IL19: variants seen among roughly 807,000 people sequenced by gnomAD.
The protein encoded by IL19 is interleukin 19, also known as interleukin-19.
In IL19, 15 loss-of-function variants were observed where a neutral mutation model predicts 19.5. That is an observed-to-expected ratio of 0.77 (90% confidence interval 0.52 to 1.19). The LOEUF (loss-of-function observed/expected upper bound fraction) is 1.19, where lower values mean the gene tolerates loss of function less well. Among genes scored for constraint, IL19 ranks in the 50% most tolerant of loss-of-function variants. The pLI, the probability that IL19 is intolerant of heterozygous loss-of-function variation, is 0.00. For synonymous variants in IL19, 78 were observed against 78.3 expected (o/e 1.00, Z 0.02); for missense variants, 199 against 213.1 (o/e 0.93, Z 0.41).
chr1:206,795,317 TG>T (rs1335662625), intron 1 of IL19, among the ~76,000 whole-genome samples: 1 of 152,272 alleles, frequency 6.6e-6, no homozygotes, highest in African/African-American at 2.4e-5. Flanking sequence ...TGCATCCAGC[TG>T]GGTGTATTCT....
intron 4 of IL19, 83 bp from the exon 5 acceptor site, chr1:206,839,767 C>T: frequency 2.5e-6 from 3 of 1,207,312 alleles, no homozygotes; most frequent in Non-Finnish European, 3.5e-6. Flanking sequence ...TCATGTGTCG[C>T]TGCCCCTACT....
rs550969436 is a variant in IL19 at position 206,840,213 on chromosome 1, C to T, written c.363+211C>T. Reference sequence around the variant, plus strand: ...TGCTGACAACTCCTCAGATGGTCTCCTCCTAGATAACCCTCCTGGGGTGAC... The same window carrying T: ...TGCTGACAACTCCTCAGATGGTCTCTTCCTAGATAACCCTCCTGGGGTGAC... On this transcript the variant is annotated intron_variant, in intron 5 of 6. Transcript: ENST00000659997. The T allele has an allele frequency of 5.3e-5, 37 of 701,024 alleles. No homozygotes were observed. In the African/African-American group the frequency reaches 5.9e-4, roughly 11 times the overall value. The allele number at this position is 701,024 out of a possible 1,614,324, so 43.4% of individuals were successfully genotyped here.
chr1:206,795,679 A>G (rs1675504640), intron 1 of IL19, among the ~76,000 whole-genome samples: 1 of 152,154 alleles, frequency 6.6e-6, no homozygotes, highest in Non-Finnish European at 1.5e-5. Flanking sequence ...AGCTTCTTAC[A>G]GCCTCTGCAT....
chr1:206,842,365 C>A (rs905542751), intron 6 of IL19, among the ~76,000 whole-genome samples, 162 bp from the exon 7 acceptor site: 2 of 151,906 alleles, frequency 1.3e-5, no homozygotes, highest in Non-Finnish European at 2.9e-5. Flanking sequence ...TGGTTGCCTG[C>A]GAGGAAAATA....
chr1:206,815,866 T>C (rs938428768), intron 2 of IL19, among the ~76,000 whole-genome samples: 1 of 152,180 alleles, frequency 6.6e-6, no homozygotes, highest in African/African-American at 2.4e-5. Flanking sequence ...TTCTTGAAAA[T>C]GGCAACTTTT....
intron 4 of IL19, among the ~76,000 whole-genome samples, chr1:206,838,848 T>G (rs1345690257): frequency 6.6e-6 from 1 of 151,548 alleles, no homozygotes; most frequent in African/African-American, 2.4e-5. Flanking sequence ...TTTTCTGCAG[T>G]GTTCCTTTTT....
At chr1:206,785,807 T>C (rs982123026) in intron 1 of IL19, among the ~76,000 whole-genome samples, 2 of 152,242 alleles carry the variant, frequency 1.3e-5, no homozygotes, top group African/African-American at 4.8e-5. Context: ...CTATTTATAG[T>C]GTAACCCCTG....
chr1:206,842,706 G>A lies in IL19; in HGVS notation c.*84G>A, dbSNP rs886624480. 2.2e-5 allele frequency: 18 copies of A among 818,586 alleles called. No individual in the cohort carries two copies. Among genetic ancestry groups the A allele is most frequent in the South Asian group, 3.4e-5 (2 of 59,666 alleles). The allele number at this position is 818,586 out of a possible 1,614,324, so 50.7% of individuals were successfully genotyped here. A position where few individuals can be genotyped will look rare whatever the true frequency, so the allele number is the denominator to read the frequency against. On this transcript the variant is annotated 3_prime_UTR_variant, in exon 7 of 7. Transcript: ENST00000659997. Reference sequence around the variant, plus strand: ...GAGACAGCCCACCTTGAAGGGGAAGGAGATGGGGAAGGCCCCTTGCAGCTG... The same window carrying A: ...GAGACAGCCCACCTTGAAGGGGAAGAAGATGGGGAAGGCCCCTTGCAGCTG...
chr1:206,811,792 AGGG>A (rs766381479), intron 2 of IL19, among the ~76,000 whole-genome samples: 15 of 152,164 alleles, frequency 9.9e-5, no homozygotes, highest in Non-Finnish European at 2.1e-4. Flanking sequence ...GCCAGCCCCC[AGGG>A]GCAGATTGAT....
rs141423026 is a variant in IL19 at position 206,816,457 on chromosome 1, A to G, written c.-3+17451A>G. 1.7e-3 allele frequency among the ~76,000 whole-genome samples: 263 copies of G among 152,324 alleles called. 2 individuals carry two copies. Among genetic ancestry groups the G allele is most frequent in the African/African-American group, 6.0e-3 (249 of 41,584 alleles). ...GAAATATATAGTATGATTTGAAGGC[A>G]GACTGTGGTGAGTTAAAAGCATATG... On this transcript the variant is annotated intron_variant, in intron 2 of 6. Coordinates refer to ENST00000659997, the MANE Select transcript of IL19 (RefSeq NM_153758.5).
At chr1:206,781,744 C>T (rs886238868) in intron 1 of IL19, among the ~76,000 whole-genome samples, 12 of 151,348 alleles carry the variant, frequency 7.9e-5, no homozygotes, top group African/African-American at 1.2e-4. Flanking sequence ...GCCTTGCCCC[C>T]GGTTCCCTAA....
At chr1:206,800,876 T>C (rs1675665175) in intron 2 of IL19, among the ~76,000 whole-genome samples, 1 of 152,220 alleles carries the variant, frequency 6.6e-6, no homozygotes, top group South Asian at 2.1e-4. Flanking sequence ...AAGGCAATGA[T>C]GTTGGCTGGG....
intron 1 of IL19, among the ~76,000 whole-genome samples, chr1:206,795,808 T>C (rs968909479): frequency 2.6e-5 from 4 of 152,316 alleles, no homozygotes; most frequent in African/African-American, 9.6e-5. Flanking sequence ...CCCTTCTTTT[T>C]ATTCCTTCTA....
intron 2 of IL19, chr1:206,829,066 C>T (rs141983177): frequency 7.4e-6 from 1 of 135,770 alleles, no homozygotes; most frequent in Non-Finnish European, 1.5e-5. Flanking sequence ...CTACACTGGT[C>T]TCAAACTCTT....
chr1:206,840,753 A>G (rs936668283), intron 5 of IL19: 1 of 501,784 alleles, frequency 2.0e-6, no homozygotes, highest in Non-Finnish European at 3.6e-6. Flanking sequence ...GATAAGACAG[A>G]TATGGTGCCT....
chr1:206,792,762 T>C (rs1021889464), intron 1 of IL19, among the ~76,000 whole-genome samples: 1 of 152,174 alleles, frequency 6.6e-6, no homozygotes, highest in African/African-American at 2.4e-5. Flanking sequence ...GCTAGATGTA[T>C]GTACCTCTCT....
intron 2 of IL19, among the ~76,000 whole-genome samples, chr1:206,832,942 G>A (rs910057294): frequency 6.6e-5 from 10 of 152,086 alleles, no homozygotes; most frequent in African/African-American, 2.2e-4. Context: ...CTTCTCTGCC[G>A]GTGCCCTGTG....
chr1:206,834,293 T>G lies in IL19; in HGVS notation c.-2-2368T>G, dbSNP rs904139394. 1.7e-5 allele frequency: 17 copies of G among 985,408 alleles called. No individual in the cohort carries two copies. In the African/African-American group the frequency reaches 3.0e-4, roughly 17 times the overall value. The allele number at this position is 985,408 out of a possible 1,614,324, so 61.0% of individuals were successfully genotyped here. A position where few individuals can be genotyped will look rare whatever the true frequency, so the allele number is the denominator to read the frequency against. On this transcript the variant is annotated intron_variant, in intron 2 of 6. Coordinates refer to ENST00000659997, the MANE Select transcript of IL19 (RefSeq NM_153758.5). Reference sequence around the variant, plus strand: ...CAAGGTGGATCCACCCAGCAAACCTTGACAGCATTTCCTCTTATCCACCTG... The same window carrying G: ...CAAGGTGGATCCACCCAGCAAACCTGGACAGCATTTCCTCTTATCCACCTG...
chr1:206,778,803 G>C (rs1263211288), intron 1 of IL19, among the ~76,000 whole-genome samples: 1 of 152,170 alleles, frequency 6.6e-6, no homozygotes, highest in Non-Finnish European at 1.5e-5. Flanking sequence ...GAAATGATTT[G>C]TTGGTCCCTC....
Sources: allele counts gnomAD v4.1 joint callset (sites outside exome capture counted in the v4.1 genomes callset), GRCh38; gene constraint gnomAD v4.1.1; transcripts MANE v1.5; gene names NCBI Gene and HGNC (gene_info 2026-07-23, HGNC 2026-07-21).